The following ARHGAP5 variants were observed in gnomAD, a reference collection of about 807,000 sequenced individuals.
ARHGAP5 encodes Rho GTPase activating protein 5.
ARHGAP5 carries 23 observed loss-of-function variants against 116.6 expected under a neutral mutation model. The observed-to-expected ratio is 0.20, with a 90% CI of 0.14 to 0.28. The LOEUF is 0.28. Among genes scored for constraint, ARHGAP5 ranks in the 10% least tolerant of loss-of-function variants. ARHGAP5 has a pLI of 1.00. For synonymous variants in ARHGAP5, 574 were observed against 602.0 expected, an observed-to-expected ratio of 0.95 and a Z score of 0.68; for missense variants, 1,405 against 1,774.8, an observed-to-expected ratio of 0.79 and a Z score of 3.74.
Position 32,154,669 on chromosome 14 carries a change from C to T in ARHGAP5, c.4230C>T (p.Ser1410=), listed in dbSNP as rs1445990032. The T allele has an allele frequency of 6.2e-7, 1 of 1,613,908 alleles. No homozygotes were observed. The highest frequency in any genetic ancestry group is 2.2e-5 in the East Asian group (1 of 44,878). ...ACCTAATGACAGCAGACAACTTATC[C>T]ATCTGTTTTTGGCCAACCTTGATGA... ...KINLMTADNL[S]ICFWPTLMRP... is the part of the protein sequence containing the mutation. The change falls in exon 7 of 7, where the codon TCC becomes TCT. Residue 1410 remains serine (S), a synonymous_variant. Transcript: ENST00000345122.
At chr14:32,127,136 C>A (rs1177002151) in intron 3 of ARHGAP5, among the ~76,000 whole-genome samples, 1 of 151,400 alleles carries the variant, frequency 6.6e-6, no homozygotes. Flanking sequence ...TAGCTGGGAC[C>A]ACAGGTGCGT....
At chr14:32,151,043 T>G (rs1881614263) in intron 5 of ARHGAP5, among the ~76,000 whole-genome samples, 2 of 152,192 alleles carry the variant, frequency 1.3e-5, no homozygotes, top group Admixed American at 6.5e-5. Flanking sequence ...CTTCGTATTG[T>G]TCTAAGTTCT....
At chr14:32,096,129 G>T (rs1042159713) in intron 2 of ARHGAP5, among the ~76,000 whole-genome samples, 11 of 151,102 alleles carry the variant, frequency 7.3e-5, no homozygotes, top group Non-Finnish European at 1.3e-4. Context: ...GTGTTTTCGT[G>T]TCTATTGGTT....
intron 3 of ARHGAP5, among the ~76,000 whole-genome samples, chr14:32,124,815 GT>G (rs1472998428): frequency 3.3e-5 from 5 of 152,138 alleles, no homozygotes; most frequent in African/African-American, 9.7e-5. Context: ...AATTGTCAGT[GT>G]CTAGATATTA....
At chr14:32,079,681 C>T (rs1299933905) in intron 1 of ARHGAP5, among the ~76,000 whole-genome samples, 1 of 152,084 alleles carries the variant, frequency 6.6e-6, no homozygotes, top group Admixed American at 6.5e-5. Flanking sequence ...CTTTACTAAA[C>T]TTTACCAACA....
At chr14:32,085,648 T>C (rs887395182) in intron 1 of ARHGAP5, among the ~76,000 whole-genome samples, 2 of 152,212 alleles carry the variant, frequency 1.3e-5, no homozygotes, top group Non-Finnish European at 2.9e-5. Flanking sequence ...TTGTTTCTTT[T>C]GAATATTTGT....
At chr14:32,112,645 G>T (rs1318356139) in intron 2 of ARHGAP5, among the ~76,000 whole-genome samples, 1 of 152,198 alleles carries the variant, frequency 6.6e-6, no homozygotes, top group Non-Finnish European at 1.5e-5. Context: ...GGCCAAGGCG[G>T]GCAGATTACG....
intron 1 of ARHGAP5, among the ~76,000 whole-genome samples, chr14:32,085,229 T>G (rs892365569): frequency 3.3e-5 from 5 of 152,076 alleles, no homozygotes; most frequent in African/African-American, 1.2e-4. Context: ...GAGGATTGCT[T>G]GAGCCCAGGA....
rs1476173855 is a variant in ARHGAP5 at position 32,092,125 on chromosome 14, G to A, written c.1456G>A (p.Ala486Thr). 1 of 1,613,840 alleles carries A rather than the reference G, an allele frequency of 6.2e-7. No homozygotes were observed. The highest frequency in any genetic ancestry group is 1.1e-5 in the South Asian group (1 of 91,066). Residue 486 changes from alanine to threonine, a missense_variant, in exon 2 of 7, where the codon GCC becomes ACC. Ala to Thr is a moderately conservative substitution (Grantham distance 58). This residue lies in a region of ARHGAP5 where 944 missense variants were observed against 1,095.3 expected (regional missense o/e 0.86). Coordinates refer to ENST00000345122, the MANE Select transcript of ARHGAP5 (RefSeq NM_001030055.2). The surrounding 1 kb of genome is among the most constrained non-coding windows in gnomAD (Gnocchi z 4.1). ...GCATCAGCGAGAAATAGTTGAAAAAGCCAAAGAAGAGTTTCAAGAAATGCT... is the reference window on the plus strand; with the variant it reads ...GCATCAGCGAGAAATAGTTGAAAAAACCAAAGAAGAGTTTCAAGAAATGCT... ...GRHQREIVEK[A>T]KEEFQEMLFE...
intron 4 of ARHGAP5, among the ~76,000 whole-genome samples, chr14:32,148,524 A>G (rs1881496116): frequency 6.6e-6 from 1 of 152,206 alleles, no homozygotes; most frequent in Non-Finnish European, 1.5e-5. Flanking sequence ...AGCTATTACT[A>G]CAAAGAATGT....
chr14:32,081,452 G>C (rs2041772178), intron 1 of ARHGAP5, among the ~76,000 whole-genome samples: 1 of 151,652 alleles, frequency 6.6e-6, no homozygotes, highest in Non-Finnish European at 1.5e-5. Context: ...GGGAGGCTGA[G>C]GCAGGAGAAT....
At position 32,094,110 on chromosome 14, in the gene ARHGAP5, A is replaced by G. The variant is rs1240371782; in HGVS notation, c.3441A>G (p.Glu1147=). The G allele has an allele frequency of 1.2e-6, 2 of 1,614,004 alleles. No individual in the cohort carries two copies. Among genetic ancestry groups the G allele is most frequent in the East Asian group, 4.5e-5 (2 of 44,882 alleles). ...ATAGAACCTCAAAAAGTCATGGGGA[A>G]CGGAGGCCTTCAAAATACAAATATA... ...FSDRTSKSHG[E]RRPSKYKYKS... Residue 1147 remains glutamate, a synonymous_variant, in exon 2 of 7, where the codon GAA becomes GAG. Transcript: ENST00000345122.
Position 32,091,231 on chromosome 14 carries a change from T to C in ARHGAP5, c.562T>C (p.Ser188Pro), listed in dbSNP as rs1428946061. 2.5e-6 allele frequency: 4 copies of C among 1,611,584 alleles called. No homozygotes were observed. The Admixed American group carries it at 6.7e-5, about 27-fold the overall frequency. ...TGTGAATAACCTTTTTGTCCAGTTA[T>C]CAAAATCAAAAAAACCTGTAATAAT... ...KFVNNLFVQL[S>P]KSKKPVIIAA... is the part of the protein sequence containing the mutation. The change falls in exon 2 of 7, where the codon TCA becomes CCA. Residue 188 changes from serine to proline, a missense_variant. Around this residue, in one of 6 missense-constraint regions of ARHGAP5, gnomAD observed 190 missense variants for 314.9 expected, o/e 0.60. Coordinates refer to ENST00000345122, the MANE Select transcript of ARHGAP5 (RefSeq NM_001030055.2).
chr14:32,106,405 C>T (rs754884678), intron 2 of ARHGAP5, among the ~76,000 whole-genome samples: 13 of 152,160 alleles, frequency 8.5e-5, no homozygotes, highest in South Asian at 2.1e-4. Flanking sequence ...AGGCATGAGC[C>T]GCTGCACTCG....
chr14:32,115,456 G>GATGGAGACTATCCTGGCCAACACGGTGT (rs1566671056), intron 2 of ARHGAP5, among the ~76,000 whole-genome samples: 1 of 152,042 alleles, frequency 6.6e-6, no homozygotes, highest in Non-Finnish European at 1.5e-5. Context: ...GAGGTCAGGA[G>GATGGAGACTATCCTGGCCAACACGGTGT]ATGGAGACTA....
chr14:32,133,519 A>G (rs1315470614), intron 3 of ARHGAP5, among the ~76,000 whole-genome samples: 1 of 152,200 alleles, frequency 6.6e-6, no homozygotes, highest in Non-Finnish European at 1.5e-5. Flanking sequence ...CAATCATGTC[A>G]TCTGCAAACA....
chr14:32,096,715 A>G (rs1172729967), intron 2 of ARHGAP5, among the ~76,000 whole-genome samples: 2 of 152,200 alleles, frequency 1.3e-5, no homozygotes, highest in African/African-American at 4.8e-5. Flanking sequence ...AATTTTGCAG[A>G]TTTTTCAAAA....
intron 2 of ARHGAP5, among the ~76,000 whole-genome samples, chr14:32,115,534 C>T (rs950151490): frequency 6.6e-6 from 1 of 151,556 alleles, no homozygotes; most frequent in Non-Finnish European, 1.5e-5. Context: ...GGCGTGGTGG[C>T]GGGCACCAGT....
At chr14:32,144,338 A>C (rs1008646008) in intron 3 of ARHGAP5, among the ~76,000 whole-genome samples, 1 of 151,820 alleles carries the variant, frequency 6.6e-6, no homozygotes, top group Admixed American at 6.6e-5. Flanking sequence ...TAAATTGGGT[A>C]ATTTTTATTG....
Sources: allele counts gnomAD v4.1 joint callset (sites outside exome capture counted in the v4.1 genomes callset), GRCh38; gene constraint gnomAD v4.1.1; regional missense constraint gnomAD v4.1.1; non-coding constraint Gnocchi (gnomAD v3.1); transcripts MANE v1.5; gene names NCBI Gene and HGNC (gene_info 2026-07-23, HGNC 2026-07-21).